Variants in L3MBTL4 observed in about 807,000 individuals in gnomAD.
L3MBTL4 encodes the protein L3MBTL histone methyl-lysine binding protein 4, also known as lethal(3)malignant brain tumor-like protein 4.
Under a neutral mutation model 84.5 loss-of-function variants are expected in L3MBTL4, and 70 were observed. That is an observed-to-expected ratio of 0.83 (90% CI 0.68 to 1.01). L3MBTL4 has a LOEUF of 1.01. Ranked by LOEUF, L3MBTL4 falls within the 50% of genes least tolerant of loss-of-function variation. L3MBTL4 has a pLI of 0.00. For synonymous variants in L3MBTL4, 274 were observed against 259.8 expected, an observed-to-expected ratio of 1.05 and a Z score of -0.52; for missense variants, 715 against 754.8, an observed-to-expected ratio of 0.95 and a Z score of 0.62.
At chr18:5,973,122 TACACCACTTCCAA>T (rs1166007186) in intron 16 of L3MBTL4, among the ~76,000 whole-genome samples, 2 of 152,224 alleles carry the variant, frequency 1.3e-5, no homozygotes, top group East Asian at 3.8e-4. Context: ...TGTGGGGACA[TACACCACTTCCAA>T]AGCCAGTGTG....
chr18:6,045,884 C>A (rs149655080), intron 16 of L3MBTL4, among the ~76,000 whole-genome samples: 1 of 152,092 alleles, frequency 6.6e-6, no homozygotes, highest in African/African-American at 2.4e-5. Flanking sequence ...TCTCATATAT[C>A]AACATTAACC....
At chr18:6,039,628 T>C (rs2056309455) in intron 16 of L3MBTL4, among the ~76,000 whole-genome samples, 1 of 152,210 alleles carries the variant, frequency 6.6e-6, no homozygotes, top group Non-Finnish European at 1.5e-5. Flanking sequence ...TGCACACACA[T>C]ACACGCATAC....
At chr18:6,078,292 C>T (rs879863716) in intron 16 of L3MBTL4, among the ~76,000 whole-genome samples, 18 of 150,272 alleles carry the variant, frequency 1.2e-4, no homozygotes, top group East Asian at 2.0e-4. Context: ...CCGGATGTGG[C>T]GGTGTGAGCC....
intron 16 of L3MBTL4, chr18:6,030,982 A>G: frequency 1.0e-6 from 1 of 985,104 alleles, no homozygotes. Context: ...TAATTCTACA[A>G]TTTCATCTTT....
intron 3 of L3MBTL4, among the ~76,000 whole-genome samples, chr18:6,311,005 C>T (rs935476902): frequency 7.2e-5 from 11 of 152,174 alleles, no homozygotes; most frequent in Non-Finnish European, 1.5e-4. Flanking sequence ...GACCTGGACT[C>T]AAGACTGCAG....
At chr18:6,248,523 T>C (rs1175900735) in intron 5 of L3MBTL4, among the ~76,000 whole-genome samples, 1 of 152,204 alleles carries the variant, frequency 6.6e-6, no homozygotes, top group Non-Finnish European at 1.5e-5. Flanking sequence ...CAAAAATGTA[T>C]CTCTTCCTCC....
At chr18:6,144,888 G>C (rs1338611554) in intron 13 of L3MBTL4, among the ~76,000 whole-genome samples, 2 of 152,152 alleles carry the variant, frequency 1.3e-5, no homozygotes, top group African/African-American at 4.8e-5. Flanking sequence ...AAGGTGTTGA[G>C]GGAAGAAGAG....
intron 16 of L3MBTL4, among the ~76,000 whole-genome samples, chr18:6,022,777 G>A (rs1186949162): frequency 6.6e-6 from 1 of 152,196 alleles, no homozygotes; most frequent in Non-Finnish European, 1.5e-5. Context: ...CAAAGTTTAT[G>A]CATTTCAAAA....
chr18:6,268,132 G>A (rs554740583), intron 4 of L3MBTL4, among the ~76,000 whole-genome samples: 1 of 152,322 alleles, frequency 6.6e-6, no homozygotes, highest in East Asian at 1.9e-4. Flanking sequence ...TGGCCCGGGA[G>A]TGGTGGCTCA....
intron 10 of L3MBTL4, among the ~76,000 whole-genome samples, chr18:6,224,855 A>G (rs2046708703): frequency 6.6e-6 from 1 of 152,190 alleles, no homozygotes; most frequent in Non-Finnish European, 1.5e-5. Flanking sequence ...CTTAAACATC[A>G]AAGTATAACT....
intron 4 of L3MBTL4, among the ~76,000 whole-genome samples, chr18:6,290,081 C>T (rs971955422): frequency 7.9e-5 from 12 of 152,148 alleles, no homozygotes; most frequent in African/African-American, 2.6e-4. Context: ...TCACCACACC[C>T]GGCTAATTTT....
Position 6,293,036 on chromosome 18 carries a change from A to G in L3MBTL4, c.127+8867T>C, listed in dbSNP as rs550573635. ...TCTCTTTGTTCTTCACACATAACAA[A>G]GACCACCCAGTCTGTGTGCATACCC... On this transcript the variant is annotated intron_variant, in intron 4 of 18. Coordinates refer to ENST00000317931, the MANE Select transcript of L3MBTL4 (RefSeq NM_001330559.2). Among the ~76,000 whole-genome samples, 6 of 152,370 alleles carry G rather than the reference A, an allele frequency of 3.9e-5. No individual in the cohort carries two copies. The East Asian group carries it at 1.2e-3, about 29-fold the overall frequency.
At chr18:6,072,414 T>A (rs1054475818) in intron 16 of L3MBTL4, among the ~76,000 whole-genome samples, 1 of 151,902 alleles carries the variant, frequency 6.6e-6, no homozygotes, top group African/African-American at 2.4e-5. Flanking sequence ...ATACCACATA[T>A]AAAAGAAAAA....
At chr18:6,192,737 C>T (rs2045176772) in intron 12 of L3MBTL4, among the ~76,000 whole-genome samples, 1 of 152,048 alleles carries the variant, frequency 6.6e-6, no homozygotes, top group South Asian at 2.1e-4. Flanking sequence ...TGCAGGAGGA[C>T]CAGTCAGGGG....
At position 6,241,420 on chromosome 18, in the gene L3MBTL4, C is replaced by G; in HGVS notation, c.490G>C (p.Asp164His). The G allele has an allele frequency of 6.2e-7, 1 of 1,600,194 alleles. No individual in the cohort carries two copies. The highest frequency in any genetic ancestry group is 8.5e-7 in the Non-Finnish European group (1 of 1,171,848). The change falls in exon 8 of 19, where the codon GAT (aspartate) becomes CAT (histidine). Residue 164 changes from aspartate to histidine, a missense_variant. By Grantham distance (81) the Asp-to-His change is moderately conservative (BLOSUM62 -1). Transcript: ENST00000317931. Reference sequence around the variant, plus strand: ...TGCAATTTGCAGGCCTTCAAGTAATCCATCCAAACAAATTTATCTTTTCTA... The same window carrying G: ...TGCAATTTGCAGGCCTTCAAGTAATGCATCCAAACAAATTTATCTTTTCTA... Reference protein sequence around the residue: ...GYRKDKFVWMDYLKACKLQNA... With the variant: ...GYRKDKFVWMHYLKACKLQNA...
intron 17 of L3MBTL4, among the ~76,000 whole-genome samples, chr18:5,966,331 C>T (rs989323908): frequency 6.6e-6 from 1 of 152,128 alleles, no homozygotes; most frequent in Admixed American, 6.5e-5. Context: ...ATATACTGTA[C>T]ACAATTTTTC....
At chr18:6,319,429 T>C (rs1195752371) in intron 1 of L3MBTL4, among the ~76,000 whole-genome samples, 1 of 151,892 alleles carries the variant, frequency 6.6e-6, no homozygotes, top group Non-Finnish European at 1.5e-5. Flanking sequence ...ATAAACTCAA[T>C]TAGAAATGAA....
intron 4 of L3MBTL4, among the ~76,000 whole-genome samples, chr18:6,268,849 C>T (rs1051288711): frequency 2.0e-5 from 3 of 152,016 alleles, no homozygotes; most frequent in East Asian, 1.9e-4. Flanking sequence ...TGTGTGAGCA[C>T]ATATGTGTGA....
chr18:6,166,283 T>C (rs979678867), intron 13 of L3MBTL4, among the ~76,000 whole-genome samples: 5 of 152,138 alleles, frequency 3.3e-5, no homozygotes, highest in Admixed American at 3.3e-4. Context: ...GACAGAAAGT[T>C]AACAAGGATA....
Sources: gnomAD v4.1 joint callset for allele counts (sites outside exome capture counted in the v4.1 genomes callset) on GRCh38, gnomAD v4.1.1 for gene constraint, MANE v1.5 for transcripts, NCBI Gene and HGNC (gene_info 2026-07-23, HGNC 2026-07-21) for gene names.